The following TPD52L1 variants were observed in gnomAD, a reference collection of about 807,000 sequenced individuals.
TPD52L1 encodes tumor protein D53.
Under a neutral mutation model 28.7 loss-of-function variants are expected in TPD52L1, and 18 were observed. The observed-to-expected ratio is 0.63, with a 90% confidence interval of 0.43 to 0.93. The LOEUF is 0.93. Ranked by LOEUF, TPD52L1 falls within the 40% of genes least tolerant of loss-of-function variation. The probability of loss-of-function intolerance (pLI) is 0.00; values close to 1 mark genes in which losing one functional copy is unlikely to be tolerated. For missense variants in TPD52L1, 203 were observed against 254.8 expected (o/e 0.80, Z 1.39); for synonymous variants, 75 against 88.8 (o/e 0.84, Z 0.88).
At chr6:125,183,665 A>C (rs1792378316) in intron 1 of TPD52L1, among the ~76,000 whole-genome samples, 1 of 152,188 alleles carries the variant, frequency 6.6e-6, no homozygotes. Context: ...ATGAACAAAA[A>C]GCATCACGAT....
chr6:125,206,579 G>T (rs1162181351), intron 1 of TPD52L1, among the ~76,000 whole-genome samples: 1 of 152,178 alleles, frequency 6.6e-6, no homozygotes, highest in African/African-American at 2.4e-5. Context: ...AATGCTGTGT[G>T]TGACAGCCTA....
At chr6:125,174,538 T>C (rs1031389407) in intron 1 of TPD52L1, among the ~76,000 whole-genome samples, 1 of 152,202 alleles carries the variant, frequency 6.6e-6, no homozygotes, top group African/African-American at 2.4e-5. Context: ...GAAATTTTGC[T>C]AATGAGACAA....
chr6:125,236,927 G>A (rs1257986357), intron 3 of TPD52L1, among the ~76,000 whole-genome samples: 1 of 152,150 alleles, frequency 6.6e-6, no homozygotes, highest in East Asian at 1.9e-4. Context: ...CAAGGGTGCA[G>A]GCTTAAGTCT....
chr6:125,234,556 T>C (rs964100472), intron 3 of TPD52L1: 8 of 152,340 alleles, frequency 5.3e-5, no homozygotes, highest in Non-Finnish European at 8.8e-5. Context: ...TCCTCTGCTC[T>C]ATCAATTATG....
chr6:125,202,782 T>TTTTTTTTTTTGGCGG, intron 1 of TPD52L1, among the ~76,000 whole-genome samples: 1 of 149,884 alleles, frequency 6.7e-6, no homozygotes, highest in African/African-American at 2.5e-5. Context: ...TTTTTTTTTT[T>TTTTTTTTTTTGGCGG]GAGACGGAGC....
At chr6:125,189,929 G>T (rs989528619) in intron 1 of TPD52L1, among the ~76,000 whole-genome samples, 1 of 151,916 alleles carries the variant, frequency 6.6e-6, no homozygotes, top group African/African-American at 2.4e-5. Flanking sequence ...TAACAAAAAA[G>T]GGTACTTTGA....
chr6:125,170,229 C>A (rs1044808245), intron 1 of TPD52L1, among the ~76,000 whole-genome samples: 2 of 151,872 alleles, frequency 1.3e-5, no homozygotes, highest in Non-Finnish European at 2.9e-5. Context: ...ATAGCAGTAG[C>A]CACAATAACA....
chr6:125,226,046 G>A lies in TPD52L1; in HGVS notation c.136-3072G>A, dbSNP rs542780156. ...TCATTGTGGCAGGACTCTTGGTTCT[G>A]TACAAAGAGAGGTTGTTGGCCTTTT... On this transcript the variant is annotated intron_variant, in intron 2 of 6. Transcript: ENST00000534000. Among the ~76,000 whole-genome samples, 7 of 152,278 alleles carry A rather than the reference G, an allele frequency of 4.6e-5. 1 individual carries two copies. In the South Asian group the frequency reaches 1.4e-3, roughly 32 times the overall value.
chr6:125,154,064 G>T, intron 1 of TPD52L1, 94 bp downstream of exon 1: 1 of 1,497,272 alleles, frequency 6.7e-7, no homozygotes, highest in African/African-American at 1.4e-5. Flanking sequence ...GGACAGAACA[G>T]ATTGGTGCCG....
At chr6:125,186,036 G>C (rs1792597225) in intron 1 of TPD52L1, among the ~76,000 whole-genome samples, 1 of 151,722 alleles carries the variant, frequency 6.6e-6, no homozygotes, top group Admixed American at 6.6e-5. Context: ...TGAGATTATA[G>C]ATGCGTGCCA....
intron 1 of TPD52L1, among the ~76,000 whole-genome samples, chr6:125,160,140 G>A (rs767578981): frequency 5.9e-5 from 9 of 152,106 alleles, no homozygotes; most frequent in Non-Finnish European, 7.4e-5. Flanking sequence ...TCCTAGTCTC[G>A]GGTATGTCTT....
At chr6:125,232,326 C>T in intron 3 of TPD52L1, among the ~76,000 whole-genome samples, 1 of 152,168 alleles carries the variant, frequency 6.6e-6, no homozygotes, top group South Asian at 2.1e-4. Context: ...GTCCCCAACC[C>T]TTTCTTCTTG....
At position 125,263,246 on chromosome 6, in the gene TPD52L1, G is replaced by T; in HGVS notation, c.*284G>T. On this transcript the variant is annotated 3_prime_UTR_variant, in exon 7 of 7. Coordinates refer to ENST00000534000, the MANE Select transcript of TPD52L1 (RefSeq NM_003287.4). Reference sequence around the variant, plus strand: ...GTCATAATTCCTGTCTGTGTAATTCGATGTATATTTTTCCAAACATGTAGC... The same window carrying T: ...GTCATAATTCCTGTCTGTGTAATTCTATGTATATTTTTCCAAACATGTAGC... The T allele has an allele frequency of 2.7e-6, 1 of 364,760 alleles. No homozygotes were observed. Among genetic ancestry groups the T allele is most frequent in the Non-Finnish European group, 5.0e-6 (1 of 201,268 alleles). 22.6% of individuals were successfully genotyped at this position (364,760 alleles called of 1,614,324 possible).
chr6:125,159,516 G>A (rs1366982863), intron 1 of TPD52L1, among the ~76,000 whole-genome samples: 5 of 152,148 alleles, frequency 3.3e-5, no homozygotes, highest in Admixed American at 6.5e-5. Flanking sequence ...ACTCATTCAG[G>A]AGGGTTGGAG....
chr6:125,219,859 T>C, intron 1 of TPD52L1: 1 of 550,728 alleles, frequency 1.8e-6, no homozygotes, highest in Non-Finnish European at 3.3e-6. Flanking sequence ...CTCTGCCTTC[T>C]CATTTTCTCT....
chr6:125,192,827 G>A (rs1286986282), intron 1 of TPD52L1, among the ~76,000 whole-genome samples: 1 of 152,134 alleles, frequency 6.6e-6, no homozygotes, highest in Non-Finnish European at 1.5e-5. Flanking sequence ...CATATACCTT[G>A]TTGATAAAGC....
In TPD52L1 at chr6:125,211,514, T is replaced by A. The variant is rs549038628; in HGVS notation, c.20-8564T>A. On this transcript the variant is annotated intron_variant, in intron 1 of 6. Coordinates refer to ENST00000534000, the MANE Select transcript of TPD52L1 (RefSeq NM_003287.4). ...GTGCCCGAATGTTGCAGTGGTGATT[T>A]CCGGGAGGTGACAGTATGACTTGCG... is the stretch of plus-strand genomic sequence containing the variant. 6.6e-5 allele frequency among the ~76,000 whole-genome samples: 10 copies of A among 152,306 alleles called. No homozygotes were observed. The East Asian group carries it at 1.9e-3, about 29-fold the overall frequency.
At chr6:125,215,058 T>C (rs1582944133) in intron 1 of TPD52L1, among the ~76,000 whole-genome samples, 1 of 152,222 alleles carries the variant, frequency 6.6e-6, no homozygotes, top group Non-Finnish European at 1.5e-5. Flanking sequence ...TGGTTCATAA[T>C]ATACTGGTAC....
chr6:125,223,976 TAAAG>T lies in TPD52L1; in HGVS notation c.135+3786_135+3789del, dbSNP rs149921515. Among the ~76,000 whole-genome samples, 212 of 152,140 alleles carry T rather than the reference TAAAG, an allele frequency of 1.4e-3. 2 individuals are homozygous for T. The East Asian group carries it at 0.022, about 16-fold the overall frequency. On this transcript the variant is annotated intron_variant, in intron 2 of 6. Transcript: ENST00000534000. ...TTTTTTTACAAACCTTGTCAGTAAA[TAAAG>T]AATTAATCTTTTGTTTCAGATATTT...
Sources: gnomAD v4.1 joint callset for allele counts (sites outside exome capture counted in the v4.1 genomes callset) on GRCh38, gnomAD v4.1.1 for gene constraint, MANE v1.5 for transcripts, NCBI Gene and HGNC (gene_info 2026-07-23, HGNC 2026-07-21) for gene names.